Variants in LURAP1 observed in about 807,000 individuals in gnomAD.
LURAP1 encodes the protein leucine rich adaptor protein 1, also known as NF-kappa-B activator C1orf190.
A neutral mutation model predicts 19.0 loss-of-function variants in LURAP1; 14 were observed. The observed-to-expected ratio is 0.74, with a 90% CI of 0.49 to 1.15. The LOEUF (loss-of-function observed/expected upper bound fraction) is 1.15. Ranked by LOEUF, LURAP1 falls within the 50% of genes most tolerant of loss-of-function variation. The probability of loss-of-function intolerance (pLI) is 0.00; values close to 1 mark genes in which losing one functional copy is unlikely to be tolerated. For synonymous variants in LURAP1, 129 were observed against 131.8 expected (o/e 0.98, Z 0.14); for missense variants, 273 against 309.1 (o/e 0.88, Z 0.87).
intron 1 of LURAP1, among the ~76,000 whole-genome samples, chr1:46,215,876 G>GGT (rs1431718140): frequency 6.6e-6 from 1 of 152,114 alleles, no homozygotes; most frequent in African/African-American, 2.4e-5. Context: ...CTCCAGCCTG[G>GGT]GCTATAGAGT....
rs374140184 is a variant in LURAP1 at position 46,220,073 on chromosome 1, G to A, written c.573G>A (p.Arg191=). ...ARTEVDVAAT[R]LGSLRAVWKP... ...CTGAGGTGGATGTGGCAGCCACCAGGCTAGGGAGCTTGAGAGCTGTGTGGA... is the reference window on the plus strand; with the variant it reads ...CTGAGGTGGATGTGGCAGCCACCAGACTAGGGAGCTTGAGAGCTGTGTGGA... Residue 191 remains arginine (R), a synonymous_variant, in exon 2 of 2, where the codon AGG becomes AGA. Transcript: ENST00000371980. The A allele has an allele frequency of 2.2e-5, 35 of 1,614,266 alleles. No individual in the cohort carries two copies. In the African/African-American group the frequency reaches 4.5e-4, roughly 21 times the overall value.
chr1:46,210,671 G>C (rs1658864745), intron 1 of LURAP1, among the ~76,000 whole-genome samples: 1 of 152,172 alleles, frequency 6.6e-6, no homozygotes, highest in Admixed American at 6.6e-5. Context: ...AGAGATGCAT[G>C]GGGCAAGGCA....
At chr1:46,206,672 T>C (rs1249856436) in intron 1 of LURAP1, among the ~76,000 whole-genome samples, 1 of 152,218 alleles carries the variant, frequency 6.6e-6, no homozygotes, top group Non-Finnish European at 1.5e-5. Context: ...GGAATCCCAC[T>C]GCCACAGGAT....
Position 46,219,227 on chromosome 1 carries a change from G to A in LURAP1, c.199-472G>A, listed in dbSNP as rs554964889. 5.3e-4 allele frequency among the ~76,000 whole-genome samples: 80 copies of A among 152,036 alleles called. 1 individual carries two copies. Among genetic ancestry groups the A allele is most frequent in the Admixed American group, 3.3e-3 (51 of 15,280 alleles). ...GGAGAATCGCTTGAACCCAGGAGGC[G>A]GAGGTTGCGGTGAGCTGAGATCGCG... On this transcript the variant is annotated intron_variant, in intron 1 of 1. Transcript: ENST00000371980.
At chr1:46,207,339 C>G (rs565294474) in intron 1 of LURAP1, among the ~76,000 whole-genome samples, 1 of 152,162 alleles carries the variant, frequency 6.6e-6, no homozygotes. Context: ...CTCAGCCTCC[C>G]AAAGTGCTGG....
intron 1 of LURAP1, among the ~76,000 whole-genome samples, chr1:46,213,290 G>C (rs996245135): frequency 3.4e-5 from 5 of 147,280 alleles, no homozygotes; most frequent in African/African-American, 1.2e-4. Context: ...CTTGATATTG[G>C]CATAGCAGAT....
chr1:46,215,435 C>T (rs763974765), intron 1 of LURAP1, among the ~76,000 whole-genome samples: 1 of 152,134 alleles, frequency 6.6e-6, no homozygotes, highest in Non-Finnish European at 1.5e-5. Context: ...CATCAAGTGG[C>T]TAACTCAATA....
intron 1 of LURAP1, among the ~76,000 whole-genome samples, chr1:46,213,593 T>A (rs1474680753): frequency 1.3e-5 from 2 of 152,002 alleles, no homozygotes; most frequent in Non-Finnish European, 2.9e-5. Context: ...GCACAATGGC[T>A]TACGCCTGTA....
chr1:46,203,892 T>G (rs1347055086), intron 1 of LURAP1, among the ~76,000 whole-genome samples: 1 of 151,902 alleles, frequency 6.6e-6, no homozygotes, highest in East Asian at 1.9e-4. Context: ...GCCAAATAAT[T>G]GGGAGGAGAG....
At chr1:46,203,919 G>T (rs1658629787) in intron 1 of LURAP1, among the ~76,000 whole-genome samples, 1 of 152,082 alleles carries the variant, frequency 6.6e-6, no homozygotes, top group African/African-American at 2.4e-5. Context: ...GGACTGGGAA[G>T]TACTGAGAAC....
At chr1:46,215,078 T>G (rs1204590624) in intron 1 of LURAP1, among the ~76,000 whole-genome samples, 1 of 151,658 alleles carries the variant, frequency 6.6e-6, no homozygotes, top group Non-Finnish European at 1.5e-5. Context: ...TACAAAAAAT[T>G]AGCCGGGTGT....
chr1:46,203,383 T>A lies in LURAP1; in HGVS notation c.-44T>A. Reference sequence around the variant, plus strand: ...CGAAGGGAGGACCCCCGGGAGCCGGTCCCCGGCGTCCGGTCGCCCAGCCCT... The same window carrying A: ...CGAAGGGAGGACCCCCGGGAGCCGGACCCCGGCGTCCGGTCGCCCAGCCCT... On this transcript the variant is annotated 5_prime_UTR_variant, in exon 1 of 2. Transcript: ENST00000371980. The A allele has an allele frequency of 7.0e-7, 1 of 1,428,860 alleles. No individual in the cohort carries two copies. The highest frequency in any genetic ancestry group is 9.2e-7 in the Non-Finnish European group (1 of 1,086,328). 88.5% of individuals were successfully genotyped at this position (1,428,860 alleles called of 1,614,324 possible). A position where few individuals can be genotyped will look rare whatever the true frequency, so the allele number is the denominator to read the frequency against.
Position 46,221,217 on chromosome 1 carries a change from T to C in LURAP1, c.*997T>C, listed in dbSNP as rs1659229255. On this transcript the variant is annotated 3_prime_UTR_variant, in exon 2 of 2. Coordinates refer to ENST00000371980, the MANE Select transcript of LURAP1 (RefSeq NM_001013615.3). ...TCTCATTGTCAGATGTTTGTGCTTC[T>C]TTTCAGGTCTTACTTTTTAAATAGA... 6.6e-6 allele frequency: 1 copy of C among 152,292 alleles called. No individual in the cohort carries two copies. The highest frequency in any genetic ancestry group is 1.5e-5 in the Non-Finnish European group (1 of 68,070). 9.4% of individuals were successfully genotyped at this position (152,292 alleles called of 1,614,324 possible). A position where few individuals can be genotyped will look rare whatever the true frequency, so the allele number is the denominator to read the frequency against.
chr1:46,212,253 A>G (rs1318448794), intron 1 of LURAP1, among the ~76,000 whole-genome samples: 1 of 151,904 alleles, frequency 6.6e-6, no homozygotes, highest in Non-Finnish European at 1.5e-5. Flanking sequence ...TCAATGTCAG[A>G]CCATGTATAA....
chr1:46,218,505 CAT>C (rs938771827), intron 1 of LURAP1, among the ~76,000 whole-genome samples: 8 of 152,242 alleles, frequency 5.3e-5, no homozygotes, highest in African/African-American at 1.9e-4. Flanking sequence ...GCGAGAGCCA[CAT>C]GTTACAGGCT....
chr1:46,206,507 G>A (rs1185122435), intron 1 of LURAP1, among the ~76,000 whole-genome samples: 1 of 152,154 alleles, frequency 6.6e-6, no homozygotes, highest in Non-Finnish European at 1.5e-5. Flanking sequence ...CTTGGAAGGA[G>A]AATTGGGTTT....
intron 1 of LURAP1, among the ~76,000 whole-genome samples, chr1:46,209,766 C>T (rs191902911): frequency 1.3e-5 from 2 of 152,044 alleles, no homozygotes; most frequent in African/African-American, 4.8e-5. Context: ...TTGCCTCAGC[C>T]TCCCAAAGTG....
intron 1 of LURAP1, among the ~76,000 whole-genome samples, chr1:46,215,819 C>T (rs1659047579): frequency 6.6e-6 from 1 of 152,060 alleles, no homozygotes; most frequent in Admixed American, 6.6e-5. Context: ...GTTGCTTGAG[C>T]TCAGGGGATC....
intron 1 of LURAP1, among the ~76,000 whole-genome samples, chr1:46,214,445 G>C (rs996393857): frequency 6.6e-6 from 1 of 152,056 alleles, no homozygotes; most frequent in Non-Finnish European, 1.5e-5. Context: ...TATCCTTAAA[G>C]AGATAAAAGA....
Sources: gnomAD v4.1 joint callset for allele counts (sites outside exome capture counted in the v4.1 genomes callset) on GRCh38, gnomAD v4.1.1 for gene constraint, MANE v1.5 for transcripts, NCBI Gene and HGNC (gene_info 2026-07-23, HGNC 2026-07-21) for gene names.